The following IFT140 variants were observed in gnomAD, a reference collection of about 807,000 sequenced individuals.
IFT140 encodes intraflagellar transport protein 140 homolog.
IFT140 carries 133 observed loss-of-function variants against 164.6 expected under a neutral mutation model. The observed-to-expected ratio is 0.81, with a 90% CI of 0.70 to 0.93. The LOEUF (loss-of-function observed/expected upper bound fraction) is 0.93, where lower values mean the gene tolerates loss of function less well. Ranked by LOEUF, IFT140 falls within the 40% of genes least tolerant of loss-of-function variation. The probability of loss-of-function intolerance (pLI) is 0.00; values close to 1 mark genes in which losing one functional copy is unlikely to be tolerated. For missense variants in IFT140, 2,045 were observed against 1,972.3 expected (o/e 1.04, Z -0.70); for synonymous variants, 860 against 817.3 (o/e 1.05, Z -0.89).
chr16:1,523,689 G>T lies in IFT140; in HGVS notation c.3282C>A (p.Phe1094Leu). ...AVMLYHKAGH[F>L]SKALELAFAT... ...CAAAGGCCAGCTCCAGGGCCTTGGA[G>T]AAGTGGCCAGCCTGCGGATACGGTG... The change falls in exon 26 of 31, where the codon TTC becomes TTA. Residue 1094 changes from phenylalanine (F) to leucine (L), a missense_variant. Coordinates refer to ENST00000426508, the MANE Select transcript of IFT140 (RefSeq NM_014714.4). The T allele has an allele frequency of 6.2e-7, 1 of 1,613,528 alleles. No individual in the cohort carries two copies. Among genetic ancestry groups the T allele is most frequent in the Non-Finnish European group, 8.5e-7 (1 of 1,179,864 alleles).
At chr16:1,520,459 G>T (rs1203917794) in intron 27 of IFT140, 116 bp from the exon 28 acceptor site, 13 of 1,340,504 alleles carry the variant, frequency 9.7e-6, no homozygotes, top group Non-Finnish European at 1.4e-5. Context: ...GGTAGAGAGA[G>T]ATCTTAGTGG....
intron 13 of IFT140, chr16:1,576,822 A>G (rs1288419767): frequency 6.6e-6 from 1 of 152,224 alleles, no homozygotes; most frequent in Non-Finnish European, 1.5e-5. Context: ...GTAAACCAAC[A>G]GAAAGATGCG....
At position 1,588,012 on chromosome 16, in the gene IFT140, C is replaced by T. The variant is rs146163533; in HGVS notation, c.823G>A (p.Gly275Arg). 2.3e-5 allele frequency: 37 copies of T among 1,613,580 alleles called. No homozygotes were observed. The African/African-American group carries it at 3.5e-4, about 15-fold the overall frequency. The stretch of plus-strand genomic sequence containing the variant: ...ATGTCTGCCCGGCGGCCGGTTTTCC[C>T]GCTCAGCTTGACCTGTGTGAGGAAA... ...AEEVMKVKLS[G>R]KTGRRADIAL... Residue 275 changes from glycine to arginine, a missense_variant, in exon 8 of 31, where the codon GGG becomes AGG. Physicochemically the swap from Gly to Arg is moderately radical, Grantham distance 125 (BLOSUM62 -2). Transcript: ENST00000426508.
intron 4 of IFT140, among the ~76,000 whole-genome samples, chr16:1,593,762 A>G (rs1180438796): frequency 1.3e-5 from 2 of 151,992 alleles, no homozygotes; most frequent in African/African-American, 2.4e-5. Flanking sequence ...CGGCATTGTC[A>G]CTGCCGGCAT....
rs370079194 is a variant in IFT140, at chr16:1,518,534, G to T, written c.4041-177C>A. Reference sequence around the variant, plus strand: ...TTCATTCATAAATTAACTCATCCATGTAACATTCTTACTGATCACTTGAAT... The same window carrying T: ...TTCATTCATAAATTAACTCATCCATTTAACATTCTTACTGATCACTTGAAT... On this transcript the variant is annotated intron_variant, in intron 29 of 30. Transcript: ENST00000426508. Among the ~76,000 whole-genome samples the T allele has an allele frequency of 1.6e-3, 246 of 152,148 alleles. 1 individual carries two copies. Among genetic ancestry groups the T allele is most frequent in the African/African-American group, 5.7e-3 (235 of 41,512 alleles).
chr16:1,553,590 T>G lies in IFT140; in HGVS notation c.2399+4345A>C. 9.8e-7 allele frequency: 1 copy of G among 1,019,664 alleles called. No homozygotes were observed. Among genetic ancestry groups the G allele is most frequent in the African/African-American group, 1.7e-5 (1 of 58,528 alleles). The allele number at this position is 1,019,664 out of a possible 1,614,324, so 63.2% of individuals were successfully genotyped here. A position where few individuals can be genotyped will look rare whatever the true frequency, so the allele number is the denominator to read the frequency against. On this transcript the variant is annotated intron_variant, in intron 19 of 30. Coordinates refer to ENST00000426508, the MANE Select transcript of IFT140 (RefSeq NM_014714.4). This position sits in a 1 kb window ranked among gnomAD's most constrained non-coding sequence, Gnocchi z 4.4. ...CTGGACCAGTGTAAGTTACAGAGAG[T>G]CTCTGGCACTTTGGGTACAAGAAAC...
At chr16:1,548,484 C>T (rs1050922575) in intron 19 of IFT140, among the ~76,000 whole-genome samples, 1 of 152,228 alleles carries the variant, frequency 6.6e-6, no homozygotes, top group Non-Finnish European at 1.5e-5. Context: ...GGCAACACAA[C>T]TTCATGAAAT....
chr16:1,527,730 C>A (rs1479270932), intron 19 of IFT140, among the ~76,000 whole-genome samples: 1 of 152,290 alleles, frequency 6.6e-6, no homozygotes, highest in Middle Eastern at 3.4e-3. Flanking sequence ...TGCTACCACA[C>A]CCAGCTAAGT....
chr16:1,600,988 C>T (rs1166079475), intron 4 of IFT140, among the ~76,000 whole-genome samples: 1 of 151,972 alleles, frequency 6.6e-6, no homozygotes, highest in South Asian at 2.1e-4. Context: ...ACTAGCCAGA[C>T]GTGGTAGCTC....
intron 4 of IFT140, 32 bp downstream of exon 4, chr16:1,602,338 C>T (rs2035835857): frequency 6.3e-7 from 1 of 1,592,042 alleles, no homozygotes; most frequent in Non-Finnish European, 8.6e-7. Context: ...GGGTCAAGGT[C>T]TGAAAACAGC....
At chr16:1,607,454 C>G (rs1412865408) in intron 2 of IFT140, among the ~76,000 whole-genome samples, 157 bp from the exon 3 acceptor site, 1 of 152,152 alleles carries the variant, frequency 6.6e-6, no homozygotes, top group African/African-American at 2.4e-5. Context: ...CAACCTGATG[C>G]GAGGAGATCT....
Position 1,531,640 on chromosome 16 carries a change from T to C in IFT140, c.2400-4844A>G, listed in dbSNP as rs1261948666. 1 of 152,080 alleles carries C rather than the reference T, an allele frequency of 6.6e-6. No homozygotes were observed. The highest frequency in any genetic ancestry group is 1.5e-5 in the Non-Finnish European group (1 of 68,040). 9.4% of individuals were successfully genotyped at this position (152,080 alleles called of 1,614,324 possible). ...ACAGATCCTCCCAGGAGGGTCGCTC[T>C]TAACTTACATGCTGCTCCCAGGCCT... is the stretch of plus-strand genomic sequence containing the variant. On this transcript the variant is annotated intron_variant, in intron 19 of 30. Transcript: ENST00000426508. This position sits in a 1 kb window ranked among gnomAD's most constrained non-coding sequence, Gnocchi z 4.7.
In IFT140 at chr16:1,528,328, CACGT is replaced by C. The variant is rs200018284; in HGVS notation, c.2400-1536_2400-1533del. Among the ~76,000 whole-genome samples the C allele has an allele frequency of 2.1e-3, 258 of 122,772 alleles. 5 individuals carry two copies. The highest frequency in any genetic ancestry group is 0.017 in the East Asian group (78 of 4,476). The allele number at this position is 122,772 out of a possible 152,430, so 80.5% of individuals were successfully genotyped here. A position where few individuals can be genotyped will look rare whatever the true frequency, so the allele number is the denominator to read the frequency against. On this transcript the variant is annotated intron_variant, in intron 19 of 30. Coordinates refer to ENST00000426508, the MANE Select transcript of IFT140 (RefSeq NM_014714.4). Reference sequence around the variant, plus strand: ...CCACACACACACGCACGCATGCACGCACGTGTGCACACACACGCATGCACGCACG... The same window carrying C: ...CCACACACACACGCACGCATGCACGCGTGCACACACACGCATGCACGCACG...
In IFT140 at chr16:1,553,244, C is replaced by G. The variant is rs546963363; in HGVS notation, c.2399+4691G>C. 5.6e-4 allele frequency: 543 copies of G among 976,988 alleles called. 7 individuals carry two copies. The highest frequency in any genetic ancestry group is 5.3e-4 in the Middle Eastern group (1 of 1,900). 60.5% of individuals were successfully genotyped at this position (976,988 alleles called of 1,614,324 possible). A position where few individuals can be genotyped will look rare whatever the true frequency, so the allele number is the denominator to read the frequency against. ...TGTCTCCATCTGTCTCTGTGTCTGT[C>G]TCTGTCTCTCTGTATCTCTCTTGGT... On this transcript the variant is annotated intron_variant, in intron 19 of 30. Transcript: ENST00000426508. The surrounding 1 kb of genome is among the most constrained non-coding windows in gnomAD (Gnocchi z 4.4).
In IFT140 at chr16:1,540,117, G is replaced by A. The variant is rs375469664; in HGVS notation, c.2400-13321C>T. Among the ~76,000 whole-genome samples, 81 of 152,294 alleles carry A rather than the reference G, an allele frequency of 5.3e-4. 2 individuals are homozygous for A. In the South Asian group the frequency reaches 0.012, roughly 22 times the overall value. ...AGTGTGCCTCCAGGGATGCTGGGACGCCGAAAGCCTAGACTGAGACGATCC... is the reference window on the plus strand; with the variant it reads ...AGTGTGCCTCCAGGGATGCTGGGACACCGAAAGCCTAGACTGAGACGATCC... On this transcript the variant is annotated intron_variant, in intron 19 of 30. Coordinates refer to ENST00000426508, the MANE Select transcript of IFT140 (RefSeq NM_014714.4).
intron 29 of IFT140, 126 bp from the exon 30 acceptor site, chr16:1,518,483 G>T: frequency 1.1e-6 from 1 of 870,750 alleles, no homozygotes. Context: ...TTTCTATGAA[G>T]TTAAATTCAT....
rs750862050 is a variant in IFT140 at position 1,523,611 on chromosome 16, C to T, written c.3360G>A (p.Thr1120=). The change falls in exon 26 of 31, where the codon ACG becomes ACA. Residue 1120 remains threonine, a synonymous_variant. Coordinates refer to ENST00000426508, the MANE Select transcript of IFT140 (RefSeq NM_014714.4). ...LQLIAEDLDE[T]SDPALLARCS... is the part of the protein sequence containing the mutation. ...AGCGGGCCAGGAGCGCAGGGTCTGA[C>T]GTCTCATCCAGGTCCTCTGCTATGA... 56 of 1,613,840 alleles carry T rather than the reference C, an allele frequency of 3.5e-5. No homozygotes were observed. The highest frequency in any genetic ancestry group is 1.5e-4 in the South Asian group (14 of 91,094).
intron 15 of IFT140, 29 bp downstream of exon 15, chr16:1,568,188 G>C (rs2033824955): frequency 6.7e-7 from 1 of 1,503,218 alleles, no homozygotes; most frequent in Non-Finnish European, 9.1e-7. Context: ...AGGAGGCGGA[G>C]TGGGCGAGTG....
rs143730201 is a variant in IFT140, at chr16:1,596,193, C to G, written c.370-3605G>C. Among the ~76,000 whole-genome samples the G allele has an allele frequency of 1.4e-3, 208 of 144,544 alleles. 3 individuals are homozygous for G. The East Asian group carries it at 0.035, about 24-fold the overall frequency. 94.8% of individuals were successfully genotyped at this position (144,544 alleles called of 152,430 possible). A position where few individuals can be genotyped will look rare whatever the true frequency, so the allele number is the denominator to read the frequency against. On this transcript the variant is annotated intron_variant, in intron 4 of 30. Transcript: ENST00000426508. Reference sequence around the variant, plus strand: ...AATGATAGAAATGAAAATGAATGACCCCCCCATCCCCCTCCCAGCCTCCTC... The same window carrying G: ...AATGATAGAAATGAAAATGAATGACGCCCCCATCCCCCTCCCAGCCTCCTC...
Sources: allele counts gnomAD v4.1 joint callset (sites outside exome capture counted in the v4.1 genomes callset), GRCh38; gene constraint gnomAD v4.1.1; non-coding constraint Gnocchi (gnomAD v3.1); transcripts MANE v1.5; gene names NCBI Gene and HGNC (gene_info 2026-07-23, HGNC 2026-07-21).